The following HACD2 variants were observed in gnomAD, a reference collection of about 807,000 sequenced individuals.
HACD2 encodes the protein very-long-chain (3R)-3-hydroxyacyl-CoA dehydratase 2.
In HACD2, 15 loss-of-function variants were observed where a neutral mutation model predicts 31.0. The observed-to-expected ratio is 0.48, with a 90% CI of 0.32 to 0.75. The LOEUF is 0.75. Ranked by LOEUF, HACD2 falls within the 30% of genes least tolerant of loss-of-function variation. The pLI, the probability that HACD2 is intolerant of heterozygous loss-of-function variation, is 0.03. For synonymous variants in HACD2, 115 were observed against 122.2 expected, an observed-to-expected ratio of 0.94 and a Z score of 0.39; for missense variants, 283 against 313.0, an observed-to-expected ratio of 0.90 and a Z score of 0.72.
At chr3:123,515,594 A>G (rs1386468980) in intron 4 of HACD2, among the ~76,000 whole-genome samples, 3 of 152,098 alleles carry the variant, frequency 2.0e-5, no homozygotes, top group African/African-American at 7.2e-5. Context: ...TCTAACGACA[A>G]TCTGGGTCCT....
At chr3:123,574,116 T>C (rs746007948) in intron 2 of HACD2, among the ~76,000 whole-genome samples, 5 of 152,244 alleles carry the variant, frequency 3.3e-5, no homozygotes, top group Admixed American at 6.5e-5. Context: ...TTAACTTCTA[T>C]AGCATTTCTG....
chr3:123,555,153 T>C (rs1423748959), intron 3 of HACD2, among the ~76,000 whole-genome samples: 1 of 152,150 alleles, frequency 6.6e-6, no homozygotes, highest in Non-Finnish European at 1.5e-5. Context: ...TCAAAATTGG[T>C]TGGGGAGAAA....
rs2055797929 is a variant in HACD2 at position 123,493,846 on chromosome 3, A to AT, written c.*1041_*1042insA. 2 of 152,234 alleles carry AT rather than the reference A, an allele frequency of 1.3e-5. No individual in the cohort carries two copies. The highest frequency in any genetic ancestry group is 4.8e-5 in the African/African-American group (2 of 41,468). The allele number at this position is 152,234 out of a possible 1,614,324, so 9.4% of individuals were successfully genotyped here. A position where few individuals can be genotyped will look rare whatever the true frequency, so the allele number is the denominator to read the frequency against. On this transcript the variant is annotated 3_prime_UTR_variant, in exon 7 of 7. Coordinates refer to ENST00000383657, the MANE Select transcript of HACD2 (RefSeq NM_198402.5). The stretch of plus-strand genomic sequence containing the variant: ...ATAGCTTGGTGGAAATTAACATAGG[A>AT]AGTTAATTAGCAAAAGTATCCAAAC...
intron 4 of HACD2, among the ~76,000 whole-genome samples, chr3:123,520,099 G>A (rs34607828): frequency 0.037 from 5,710 of 152,286 alleles, 687 homozygotes; most frequent in East Asian, 0.35. Flanking sequence ...GGTGAGGCCT[G>A]TATGGCCTCC....
At chr3:123,505,116 T>C (rs1056504404) in intron 4 of HACD2, among the ~76,000 whole-genome samples, 4 of 152,182 alleles carry the variant, frequency 2.6e-5, no homozygotes, top group African/African-American at 7.2e-5. Flanking sequence ...TGCTACAACA[T>C]AGATGAACCT....
intron 4 of HACD2, 144 bp from the exon 5 acceptor site, chr3:123,502,825 C>T (rs1467645294): frequency 9.1e-5 from 70 of 770,376 alleles, no homozygotes; most frequent in Non-Finnish European, 1.0e-5. Flanking sequence ...AAAGAGCTTG[C>T]GTGTAGAGCT....
intron 3 of HACD2, among the ~76,000 whole-genome samples, chr3:123,529,232 C>T (rs1483773862): frequency 1.3e-5 from 2 of 152,176 alleles, no homozygotes; most frequent in Non-Finnish European, 2.9e-5. Context: ...TCCCAAGTAG[C>T]TGGGACTACA....
In HACD2 at chr3:123,560,679, C is replaced by G. The variant is rs73857670; in HGVS notation, c.292+7083G>C. ...GAGCCAGTAGAAGCTGCGCCAGCCC[C>G]CAGAAACTAAAAGGGAGTTAGAGCT... On this transcript the variant is annotated intron_variant, in intron 3 of 6. Coordinates refer to ENST00000383657, the MANE Select transcript of HACD2 (RefSeq NM_198402.5). Among the ~76,000 whole-genome samples, 908 of 152,330 alleles carry G rather than the reference C, an allele frequency of 6.0e-3. 9 individuals carry two copies. The highest frequency in any genetic ancestry group is 0.021 in the African/African-American group (882 of 41,564).
intron 3 of HACD2, among the ~76,000 whole-genome samples, chr3:123,561,524 A>G (rs1382253826): frequency 6.6e-6 from 1 of 151,344 alleles, no homozygotes; most frequent in Non-Finnish European, 1.5e-5. Flanking sequence ...ACAATTTCTG[A>G]CATGAAAGTT....
intron 3 of HACD2, among the ~76,000 whole-genome samples, chr3:123,555,391 T>C (rs2056662700): frequency 6.6e-6 from 1 of 152,064 alleles, no homozygotes; most frequent in East Asian, 1.9e-4. Flanking sequence ...TAAGCAAGTA[T>C]AGCAAGGTCA....
Position 123,493,698 on chromosome 3 carries a change from A to T in HACD2, c.*1190T>A, listed in dbSNP as rs1298071377. On this transcript the variant is annotated 3_prime_UTR_variant, in exon 7 of 7. Coordinates refer to ENST00000383657, the MANE Select transcript of HACD2 (RefSeq NM_198402.5). ...GGTTGAGCAATTAAATTGTATGAGG[A>T]TGTGACATGGATTAGACAATGTCGG... The T allele has an allele frequency of 6.6e-6, 1 of 152,104 alleles. No homozygotes were observed. The highest frequency in any genetic ancestry group is 1.5e-5 in the Non-Finnish European group (1 of 68,020). The allele number at this position is 152,104 out of a possible 1,614,324, so 9.4% of individuals were successfully genotyped here.
chr3:123,545,486 A>AAAATAAAT (rs138722084), intron 3 of HACD2, among the ~76,000 whole-genome samples: 11,882 of 112,782 alleles, frequency 0.11, 1,046 homozygotes, highest in African/African-American at 0.23. Context: ...AGTCTCAGTA[A>AAAATAAAT]AAATAAATAA....
At chr3:123,565,611 A>T (rs1041789920) in intron 3 of HACD2, among the ~76,000 whole-genome samples, 4 of 152,112 alleles carry the variant, frequency 2.6e-5, no homozygotes, top group African/African-American at 7.2e-5. Context: ...TAAGCTACCC[A>T]ATTTATGGTA....
chr3:123,500,620 A>G lies in HACD2; in HGVS notation c.577T>C (p.Phe193Leu). ...GAATATAGGCCAGCTTGTCTGACAA[A>G]GGGCAGAGCTGCATATATTGTGAGC... ...ELLTIYAALP[F>L]VRQAGLYSIS... is the part of the protein sequence containing the mutation. The change falls in exon 6 of 7, where the codon TTT becomes CTT. Residue 193 changes from phenylalanine to leucine, a missense_variant. Coordinates refer to ENST00000383657, the MANE Select transcript of HACD2 (RefSeq NM_198402.5). 1.2e-6 allele frequency: 2 copies of G among 1,613,248 alleles called. No individual in the cohort carries two copies. Among genetic ancestry groups the G allele is most frequent in the Non-Finnish European group, 1.7e-6 (2 of 1,179,214 alleles).
intron 3 of HACD2, among the ~76,000 whole-genome samples, chr3:123,553,056 G>A (rs1044669563): frequency 1.3e-5 from 2 of 152,076 alleles, no homozygotes; most frequent in Non-Finnish European, 2.9e-5. Flanking sequence ...TAAAACTATA[G>A]TCTAATAACA....
intron 4 of HACD2, among the ~76,000 whole-genome samples, chr3:123,528,082 G>A (rs2056307044): frequency 2.0e-5 from 3 of 152,104 alleles, no homozygotes; most frequent in Non-Finnish European, 2.9e-5. Context: ...AACATGATAC[G>A]AACAAGATAT....
intron 1 of HACD2, chr3:123,584,416 C>T (rs947078155): frequency 4.5e-5 from 7 of 154,978 alleles, no homozygotes; most frequent in Non-Finnish European, 1.4e-5. Context: ...CAGATTAAAG[C>T]GCAGCCCAGA....
intron 3 of HACD2, among the ~76,000 whole-genome samples, chr3:123,545,395 T>C (rs1004953179): frequency 6.6e-6 from 1 of 151,224 alleles, no homozygotes; most frequent in African/African-American, 2.4e-5. Flanking sequence ...GGTGGCAAAA[T>C]TGCTTGAACC....
Position 123,540,492 on chromosome 3 carries a change from G to C in HACD2, c.293-12018C>G, listed in dbSNP as rs4383451. Among the ~76,000 whole-genome samples the C allele has an allele frequency of 5.1e-3, 778 of 152,250 alleles. 26 individuals are homozygous for C. The East Asian group carries it at 0.11, about 21-fold the overall frequency. On this transcript the variant is annotated intron_variant, in intron 3 of 6. Coordinates refer to ENST00000383657, the MANE Select transcript of HACD2 (RefSeq NM_198402.5). Reference sequence around the variant, plus strand: ...AAATGACACATATTTCCTTTCTGAAGATAACTTAAAAGGGTGTCACGTTTT... The same window carrying C: ...AAATGACACATATTTCCTTTCTGAACATAACTTAAAAGGGTGTCACGTTTT...
Sources: allele counts gnomAD v4.1 joint callset (sites outside exome capture counted in the v4.1 genomes callset), GRCh38; gene constraint gnomAD v4.1.1; transcripts MANE v1.5; gene names NCBI Gene and HGNC (gene_info 2026-07-23, HGNC 2026-07-21).